The following ESYT2 variants were observed in gnomAD, a reference collection of about 807,000 sequenced individuals.
ESYT2 encodes the protein extended synaptotagmin-2.
ESYT2 carries 54 observed loss-of-function variants against 107.2 expected under a neutral mutation model. That is an observed-to-expected ratio of 0.50 (90% CI 0.40 to 0.63). The LOEUF is 0.63. Ranked by LOEUF, ESYT2 falls within the 30% of genes least tolerant of loss-of-function variation. The probability of loss-of-function intolerance (pLI) is 0.00; values close to 1 mark genes in which losing one functional copy is unlikely to be tolerated. For synonymous variants in ESYT2, 491 were observed against 434.1 expected (o/e 1.13, Z -1.63); for missense variants, 1,020 against 1,094.5 (o/e 0.93, Z 0.96).
intron 20 of ESYT2, 148 bp downstream of exon 20, chr7:158,736,900 G>C: frequency 1.0e-6 from 1 of 961,340 alleles, no homozygotes; most frequent in Non-Finnish European, 1.6e-6. Context: ...TATTTGTTTT[G>C]AGAAGTATGT....
At chr7:158,736,777 GTTC>G (rs1053821483) in intron 20 of ESYT2, among the ~76,000 whole-genome samples, 1 of 152,132 alleles carries the variant, frequency 6.6e-6, no homozygotes, top group Non-Finnish European at 1.5e-5. Flanking sequence ...CCAAAAATGA[GTTC>G]TTCAGGGCCA....
intron 1 of ESYT2, among the ~76,000 whole-genome samples, chr7:158,814,337 ATATATATATG>A (rs1270859967): frequency 0.1 from 506 of 5,024 alleles, 36 homozygotes; most frequent in Admixed American, 0.15. Flanking sequence ...ATATATATAT[ATATATATATG>A]AAATAATATA....
At chr7:158,806,413 C>A (rs1839834658) in intron 1 of ESYT2, among the ~76,000 whole-genome samples, 1 of 152,184 alleles carries the variant, frequency 6.6e-6, no homozygotes, top group Non-Finnish European at 1.5e-5. Flanking sequence ...CTGACATATA[C>A]TCTTCCTCTA....
At chr7:158,762,692 C>T (rs556901239) in intron 10 of ESYT2, among the ~76,000 whole-genome samples, 20 of 152,318 alleles carry the variant, frequency 1.3e-4, no homozygotes, top group Non-Finnish European at 2.5e-4. Context: ...AATCCAGCAA[C>T]TCAAAAAACT....
At chr7:158,828,117 T>G (rs983996310) in intron 1 of ESYT2, among the ~76,000 whole-genome samples, 1 of 149,910 alleles carries the variant, frequency 6.7e-6, no homozygotes, top group African/African-American at 2.5e-5. Flanking sequence ...ACAATTATAC[T>G]TGCAAAAAAA....
At chr7:158,772,739 T>C (rs959026627) in intron 7 of ESYT2, among the ~76,000 whole-genome samples, 1 of 152,118 alleles carries the variant, frequency 6.6e-6, no homozygotes, top group Non-Finnish European at 1.5e-5. Context: ...ATTTTTCTCC[T>C]GTTTTAGACA....
At chr7:158,764,622 T>A in intron 9 of ESYT2, 55 bp downstream of exon 9, 2 of 1,569,038 alleles carry the variant, frequency 1.3e-6, no homozygotes, top group Non-Finnish European at 1.7e-6. Context: ...AGCTTGGCCA[T>A]CCCGCTCAGG....
In ESYT2 at chr7:158,815,430, T is replaced by G. The variant is rs1321490813; in HGVS notation, c.330+13659A>C. On this transcript the variant is annotated intron_variant, in intron 1 of 22. Transcript: ENST00000275418. Reference sequence around the variant, plus strand: ...ACATTCCTGGCTCACTCATCTATCTTCCTTCCTCCCCAAAGCTATTCCCCT... The same window carrying G: ...ACATTCCTGGCTCACTCATCTATCTGCCTTCCTCCCCAAAGCTATTCCCCT... Among the ~76,000 whole-genome samples the G allele has an allele frequency of 2.6e-5, 4 of 151,204 alleles. No individual in the cohort carries two copies. The East Asian group carries it at 8.1e-4, about 30-fold the overall frequency.
At chr7:158,798,161 G>C (rs768537412) in intron 2 of ESYT2, 85 bp from the exon 3 acceptor site, 2 of 1,410,496 alleles carry the variant, frequency 1.4e-6, no homozygotes, top group African/African-American at 1.4e-5. Context: ...CCTCGCAACA[G>C]ACCAAACCTG....
intron 14 of ESYT2, among the ~76,000 whole-genome samples, chr7:158,751,454 A>T (rs920200809): frequency 2.6e-5 from 4 of 152,242 alleles, no homozygotes; most frequent in Admixed American, 6.5e-5. Context: ...TAATAAAAAT[A>T]TAAGCGTTAA....
chr7:158,779,767 G>A (rs992523172), intron 6 of ESYT2, among the ~76,000 whole-genome samples: 1 of 152,218 alleles, frequency 6.6e-6, no homozygotes, highest in Admixed American at 6.5e-5. Context: ...TCTCTACGTG[G>A]AATGACTGGC....
At chr7:158,792,116 G>T (rs1839311126) in intron 4 of ESYT2, among the ~76,000 whole-genome samples, 1 of 144,918 alleles carries the variant, frequency 6.9e-6, no homozygotes. Flanking sequence ...TGTTCACTTT[G>T]TATCCGGCTA....
At chr7:158,739,403 A>G (rs978412789) in intron 18 of ESYT2, among the ~76,000 whole-genome samples, 8 of 152,064 alleles carry the variant, frequency 5.3e-5, no homozygotes, top group Admixed American at 3.9e-4. Context: ...CTGGAGTGCA[A>G]TGGCGCAATC....
chr7:158,769,211 A>G (rs1838269894), intron 7 of ESYT2, among the ~76,000 whole-genome samples: 1 of 152,226 alleles, frequency 6.6e-6, no homozygotes, highest in Admixed American at 6.5e-5. Flanking sequence ...AAATTTTTTA[A>G]ATCCCCAAAA....
At chr7:158,798,977 T>C in intron 2 of ESYT2, 54 bp downstream of exon 2, 1 of 1,523,258 alleles carries the variant, frequency 6.6e-7, no homozygotes, top group South Asian at 1.2e-5. Context: ...GGAAAGATGG[T>C]ATCTCATCCT....
At chr7:158,824,947 T>G (rs1840395927) in intron 1 of ESYT2, among the ~76,000 whole-genome samples, 1 of 151,672 alleles carries the variant, frequency 6.6e-6, no homozygotes, top group African/African-American at 2.4e-5. Flanking sequence ...AGCCCAAGAG[T>G]TGAGCCCAAG....
rs747190823 is a variant in ESYT2, at chr7:158,743,518, C to G, written c.1794+11G>C. 1.9e-6 allele frequency: 3 copies of G among 1,606,008 alleles called. No individual in the cohort carries two copies. The highest frequency in any genetic ancestry group is 2.5e-6 in the Non-Finnish European group (3 of 1,177,360). On this transcript the variant is annotated intron_variant, in intron 17 of 22. Coordinates refer to ENST00000275418, the MANE Select transcript of ESYT2 (RefSeq NM_001367773.1). ...ATCCCCTATGGTGTTCACTGCAGGA[C>G]GACACGATACCCGCAGGGCAATCTT...
At chr7:158,751,836 T>G (rs1049679675) in intron 14 of ESYT2, among the ~76,000 whole-genome samples, 1 of 152,214 alleles carries the variant, frequency 6.6e-6, no homozygotes, top group African/African-American at 2.4e-5. Context: ...TGTTCTCAGA[T>G]AGCAAAGAAG....
At position 158,759,488 on chromosome 7, in the gene ESYT2, G is replaced by C; in HGVS notation, c.1417C>G (p.Pro473Ala). ...ILYLDSARNL[P>A]SNPLEFNPDV... ...GGTGTTACCACTGTGTTACCTACCG[G>C]AAGGTTCCTTGCTGAATCCAAGTAC... The change falls in exon 13 of 23, where the codon CCG (proline) becomes GCG (alanine). Residue 473 changes from proline (P) to alanine (A), a missense_variant and splice_region_variant. Transcript: ENST00000275418. 6.2e-7 allele frequency: 1 copy of C among 1,608,984 alleles called. No homozygotes were observed. Among genetic ancestry groups the C allele is most frequent in the South Asian group, 1.1e-5 (1 of 90,806 alleles).
Sources: allele counts gnomAD v4.1 joint callset (sites outside exome capture counted in the v4.1 genomes callset), GRCh38; gene constraint gnomAD v4.1.1; transcripts MANE v1.5; gene names NCBI Gene and HGNC (gene_info 2026-07-23, HGNC 2026-07-21).